Variants in TENT5C observed in about 807,000 individuals in gnomAD.
TENT5C encodes terminal nucleotidyltransferase 5C, also known as family with sequence similarity 46 member C.
A neutral mutation model predicts 22.2 loss-of-function variants in TENT5C; 5 were observed. That is an observed-to-expected ratio of 0.22 (90% CI 0.12 to 0.47). TENT5C has a LOEUF of 0.47. TENT5C is among the 20% of genes least tolerant of loss of function. The pLI, the probability that TENT5C is intolerant of heterozygous loss-of-function variation, is 0.99. For missense variants in TENT5C, 364 were observed against 500.9 expected, an observed-to-expected ratio of 0.73 and a Z score of 2.61; for synonymous variants, 199 against 195.4, an observed-to-expected ratio of 1.02 and a Z score of -0.15.
chr1:117,607,285 T>C (rs1375960700), intron 1 of TENT5C, among the ~76,000 whole-genome samples: 2 of 152,182 alleles, frequency 1.3e-5, no homozygotes, highest in Non-Finnish European at 2.9e-5. Context: ...CTTCGCCCTT[T>C]TTTGTCCATA....
chr1:117,618,378 A>C (rs1193961198), intron 1 of TENT5C, among the ~76,000 whole-genome samples: 1 of 152,118 alleles, frequency 6.6e-6, no homozygotes, highest in Non-Finnish European at 1.5e-5. Context: ...ATGGATTTGC[A>C]TGAATTAGAG....
At chr1:117,616,162 A>G (rs150916774) in intron 1 of TENT5C, among the ~76,000 whole-genome samples, 6 of 152,218 alleles carry the variant, frequency 3.9e-5, no homozygotes, top group African/African-American at 1.4e-4. Flanking sequence ...TCTTTTCTGA[A>G]CCTTATTACT....
chr1:117,612,357 T>TG (rs1653688124), intron 1 of TENT5C, among the ~76,000 whole-genome samples: 1 of 151,916 alleles, frequency 6.6e-6, no homozygotes, highest in African/African-American at 2.4e-5. Context: ...CTTTTTTTTT[T>TG]TTTTTATAGT....
chr1:117,615,413 T>TG (rs1456566437), intron 1 of TENT5C, among the ~76,000 whole-genome samples: 2 of 152,194 alleles, frequency 1.3e-5, no homozygotes, highest in Non-Finnish European at 2.9e-5. Context: ...CATCTGTAAG[T>TG]GGGGGAGTAG....
intron 1 of TENT5C, among the ~76,000 whole-genome samples, chr1:117,611,635 G>A (rs990612843): frequency 6.6e-6 from 1 of 152,048 alleles, no homozygotes; most frequent in Non-Finnish European, 1.5e-5. Flanking sequence ...GAGTCCAGGA[G>A]TTCCAGACCA....
rs375689778 is a variant in TENT5C, at chr1:117,624,082, T to C, written c.*38T>C. 2.4e-5 allele frequency: 37 copies of C among 1,524,258 alleles called. No homozygotes were observed. The highest frequency in any genetic ancestry group is 1.9e-4 in the East Asian group (8 of 43,174). The allele number at this position is 1,524,258 out of a possible 1,614,324, so 94.4% of individuals were successfully genotyped here. A position where few individuals can be genotyped will look rare whatever the true frequency, so the allele number is the denominator to read the frequency against. ...AGGGTTTCCACAGTGGGAACCCCAA[T>C]AGGGCTAGGGCTCTCAGGTAGGGGA... On this transcript the variant is annotated 3_prime_UTR_variant, in exon 2 of 2. Coordinates refer to ENST00000369448, the MANE Select transcript of TENT5C (RefSeq NM_017709.4).
intron 1 of TENT5C, among the ~76,000 whole-genome samples, chr1:117,619,590 A>T (rs1246010420): frequency 6.6e-6 from 1 of 151,494 alleles, no homozygotes; most frequent in Non-Finnish European, 1.5e-5. Context: ...TGACTTATTT[A>T]AAAAAAAACT....
In TENT5C at chr1:117,623,264, C is replaced by A; in HGVS notation, c.396C>A (p.Val132=). 1 of 1,614,154 alleles carries A rather than the reference C, an allele frequency of 6.2e-7. No homozygotes were observed. Among genetic ancestry groups the A allele is most frequent in the South Asian group, 1.1e-5 (1 of 91,074 alleles). ...EGVNKLKISP[V]TLKEAYVQKL... is the part of the protein sequence containing the mutation. The stretch of plus-strand genomic sequence containing the variant: ...TGAACAAGCTCAAAATCAGTCCAGT[C>A]ACTCTGAAGGAGGCATATGTGCAGA... The change falls in exon 2 of 2, where the codon GTC becomes GTA. Residue 132 remains valine, a synonymous_variant. Transcript: ENST00000369448.
intron 1 of TENT5C, among the ~76,000 whole-genome samples, chr1:117,621,692 G>T (rs1394315086): frequency 6.6e-6 from 1 of 152,150 alleles, no homozygotes; most frequent in Non-Finnish European, 1.5e-5. Context: ...AAAGGCGGAG[G>T]GGGTGGGAAA....
intron 1 of TENT5C, among the ~76,000 whole-genome samples, chr1:117,617,347 T>C (rs542892523): frequency 6.6e-6 from 1 of 152,238 alleles, no homozygotes; most frequent in Non-Finnish European, 1.5e-5. Context: ...GCCTAGTTTG[T>C]TTTTTCCTTT....
At chr1:117,617,002 G>A (rs1049188950) in intron 1 of TENT5C, among the ~76,000 whole-genome samples, 1 of 152,134 alleles carries the variant, frequency 6.6e-6, no homozygotes, top group South Asian at 2.1e-4. Flanking sequence ...CTAATGCCAG[G>A]CACAAAATAA....
chr1:117,616,401 T>A (rs924535149), intron 1 of TENT5C, among the ~76,000 whole-genome samples: 5 of 152,200 alleles, frequency 3.3e-5, no homozygotes, highest in Non-Finnish European at 7.3e-5. Context: ...TGCCACCACT[T>A]TTATTTCTGC....
chr1:117,610,599 C>G (rs191890808), intron 1 of TENT5C, among the ~76,000 whole-genome samples: 1 of 152,224 alleles, frequency 6.6e-6, no homozygotes, highest in East Asian at 1.9e-4. Context: ...ACGATCTCTG[C>G]TCACTGCAAC....
chr1:117,613,755 T>C (rs1201626885), intron 1 of TENT5C, among the ~76,000 whole-genome samples: 10 of 151,998 alleles, frequency 6.6e-5, no homozygotes, highest in Admixed American at 5.9e-4. Context: ...CTTAAGAAAA[T>C]AGAATGAGAC....
intron 1 of TENT5C, among the ~76,000 whole-genome samples, chr1:117,612,821 G>A (rs1653697984): frequency 6.6e-6 from 1 of 152,224 alleles, no homozygotes. Context: ...TTCCTGATAA[G>A]GCCTGGGCAG....
Position 117,624,156 on chromosome 1 carries a change from T to G in TENT5C, c.*112T>G. 5 of 843,160 alleles carry G rather than the reference T, an allele frequency of 5.9e-6. No homozygotes were observed. The highest frequency in any genetic ancestry group is 9.0e-6 in the Non-Finnish European group (5 of 553,416). The allele number at this position is 843,160 out of a possible 1,614,324, so 52.2% of individuals were successfully genotyped here. A position where few individuals can be genotyped will look rare whatever the true frequency, so the allele number is the denominator to read the frequency against. On this transcript the variant is annotated 3_prime_UTR_variant, in exon 2 of 2. Transcript: ENST00000369448. ...TGGCTTTTAAAGGGGAACTCAGCTC[T>G]GATTCTGCTTTTTTTTTTTTTTTTC...
At chr1:117,614,448 A>G (rs1159010731) in intron 1 of TENT5C, among the ~76,000 whole-genome samples, 1 of 152,190 alleles carries the variant, frequency 6.6e-6, no homozygotes, top group Admixed American at 6.5e-5. Flanking sequence ...GACGGTGTCC[A>G]GTCTCAGGTT....
chr1:117,615,602 G>T (rs1025375591), intron 1 of TENT5C, among the ~76,000 whole-genome samples: 1 of 152,220 alleles, frequency 6.6e-6, no homozygotes, highest in East Asian at 1.9e-4. Flanking sequence ...TGTGGCTGCC[G>T]CCATGTGAAG....
At chr1:117,606,295 A>T (rs921584073) in intron 1 of TENT5C, 142 bp downstream of exon 1, 3 of 151,886 alleles carry the variant, frequency 2.0e-5, no homozygotes, top group African/African-American at 7.3e-5. Flanking sequence ...GGCGGACCCG[A>T]GGGGAGCTGC....
Sources: allele counts gnomAD v4.1 joint callset (sites outside exome capture counted in the v4.1 genomes callset), GRCh38; gene constraint gnomAD v4.1.1; transcripts MANE v1.5; gene names NCBI Gene and HGNC (gene_info 2026-07-23, HGNC 2026-07-21).